Variants in NCS1 observed in about 807,000 individuals in gnomAD.
NCS1 encodes neuronal calcium sensor 1.
Under a neutral mutation model 28.4 loss-of-function variants are expected in NCS1, and 6 were observed. The ratio of observed to expected loss-of-function variants is 0.21; its 90% confidence interval spans 0.12 to 0.42. The LOEUF is 0.42. Among genes scored for constraint, NCS1 ranks in the 10% least tolerant of loss-of-function variants. The pLI, the probability that NCS1 is intolerant of heterozygous loss-of-function variation, is 1.00. For synonymous variants in NCS1, 86 were observed against 99.3 expected (o/e 0.87, Z 0.79); for missense variants, 131 against 241.4 (o/e 0.54, Z 3.03).
rs1173236020 is a variant in NCS1, at chr9:130,233,622, T to TA, written c.*651dup. 6.7e-6 allele frequency: 1 copy of TA among 149,112 alleles called. No individual in the cohort carries two copies. Among genetic ancestry groups the TA allele is most frequent in the African/African-American group, 2.5e-5 (1 of 40,668 alleles). 9.2% of individuals were successfully genotyped at this position (149,112 alleles called of 1,614,324 possible). ...TTGTGGGGAAAGTGAGGTTTTTTTT[T>TA]ATATACATATATAATTGATATCTTT... On this transcript the variant is annotated 3_prime_UTR_variant, in exon 8 of 8. Coordinates refer to ENST00000372398, the MANE Select transcript of NCS1 (RefSeq NM_014286.4). The surrounding 1 kb of genome is among the most constrained non-coding windows in gnomAD (Gnocchi z 4.8).
chr9:130,183,434 G>A (rs1166823964), intron 1 of NCS1, among the ~76,000 whole-genome samples: 4 of 152,216 alleles, frequency 2.6e-5, no homozygotes, highest in African/African-American at 9.7e-5. Flanking sequence ...TCCCTGGCAG[G>A]GGAGCAGGGG....
At position 130,172,551 on chromosome 9, in the gene NCS1, G is replaced by A. The variant is rs1214635271; in HGVS notation, c.-113G>A. On this transcript the variant is annotated 5_prime_UTR_variant, in exon 1 of 8. Transcript: ENST00000372398. ...GGCGCCGACAGCCGCGCAGCGCAGC[G>A]CGGGCGCCGCAGACAAAGGCGCGGC... is the stretch of plus-strand genomic sequence containing the variant. 1.9e-5 allele frequency: 7 copies of A among 375,108 alleles called. No homozygotes were observed. The highest frequency in any genetic ancestry group is 2.1e-4 in the South Asian group (2 of 9,724). The allele number at this position is 375,108 out of a possible 1,614,324, so 23.2% of individuals were successfully genotyped here. A position where few individuals can be genotyped will look rare whatever the true frequency, so the allele number is the denominator to read the frequency against.
At chr9:130,222,918 G>A (rs1435677997) in intron 5 of NCS1, among the ~76,000 whole-genome samples, 164 bp from the exon 6 acceptor site, 1 of 151,690 alleles carries the variant, frequency 6.6e-6, no homozygotes, top group Non-Finnish European at 1.5e-5. Context: ...AGATAGTGGG[G>A]CTGGGGTGTG....
intron 1 of NCS1, 119 bp from the exon 2 acceptor site, chr9:130,200,839 C>A: frequency 6.7e-7 from 1 of 1,490,896 alleles, no homozygotes; most frequent in Non-Finnish European, 9.4e-7. Flanking sequence ...CAGGCCGTTG[C>A]CCGGGGACAT....
chr9:130,222,687 C>T lies in NCS1; in HGVS notation c.345C>T (p.Tyr115=), dbSNP rs141503212. The change falls in exon 5 of 8, where the codon TAC becomes TAT. Residue 115 remains tyrosine (Y), a synonymous_variant. Transcript: ENST00000372398. ...FKLYDLDNDG[Y]ITRNEMLDIV... is the part of the protein sequence containing the mutation. ...TCTACGACTTGGACAATGATGGCTA[C>T]ATCACCAGGAATGAGATGCTGGACA... is the stretch of plus-strand genomic sequence containing the variant. The T allele has an allele frequency of 1.7e-4, 272 of 1,613,964 alleles. No individual in the cohort carries two copies. The highest frequency in any genetic ancestry group is 2.1e-4 in the Non-Finnish European group (253 of 1,180,012).
chr9:130,172,714 C>G lies in NCS1; in HGVS notation c.51C>G (p.Thr17=), dbSNP rs1832499440. The change falls in exon 1 of 8, where the codon ACC becomes ACG. Residue 17 remains threonine, a synonymous_variant. Transcript: ENST00000372398. ...KLKPEVVEEL[T]RKTYFTEKEV... ...AGCCCGAAGTTGTGGAGGAGCTGAC[C>G]AGGAAGACCTACTGTGAGTGCTCCC... 11 of 1,519,754 alleles carry G rather than the reference C, an allele frequency of 7.2e-6. No individual in the cohort carries two copies. Among genetic ancestry groups the G allele is most frequent in the Non-Finnish European group, 9.7e-6 (11 of 1,129,360 alleles). The allele number at this position is 1,519,754 out of a possible 1,614,324, so 94.1% of individuals were successfully genotyped here.
chr9:130,213,763 G>A (rs1399049721), intron 2 of NCS1, among the ~76,000 whole-genome samples: 1 of 151,830 alleles, frequency 6.6e-6, no homozygotes, highest in Non-Finnish European at 1.5e-5. Flanking sequence ...ATATATAGTA[G>A]AGACAGGGTT....
At position 130,226,720 on chromosome 9, in the gene NCS1, CT is replaced by C. The variant is rs1235275461; in HGVS notation, c.*17+217del. On this transcript the variant is annotated intron_variant, in intron 7 of 7. Transcript: ENST00000372398. This position sits in a 1 kb window ranked among gnomAD's most constrained non-coding sequence, Gnocchi z 4.8. The stretch of plus-strand genomic sequence containing the variant: ...ATCATTTTTATAGACCCAGATCAGC[CT>C]GCGAGTTTGCTTGAACAGAATTTTT... Among the ~76,000 whole-genome samples, 2 of 152,076 alleles carry C rather than the reference CT, an allele frequency of 1.3e-5. No individual in the cohort carries two copies. Among genetic ancestry groups the C allele is most frequent in the African/African-American group, 2.4e-5 (1 of 41,428 alleles).
intron 1 of NCS1, among the ~76,000 whole-genome samples, chr9:130,188,758 C>T (rs528937841): frequency 2.7e-4 from 40 of 150,892 alleles, no homozygotes; most frequent in African/African-American, 8.5e-4. Flanking sequence ...ACTTTGTTGC[C>T]CAGGCTGGAG....
chr9:130,229,377 C>T (rs546646961), intron 7 of NCS1, among the ~76,000 whole-genome samples: 1 of 152,020 alleles, frequency 6.6e-6, no homozygotes, highest in South Asian at 2.1e-4. Flanking sequence ...GCCTCAGCCT[C>T]CCAAGTAGCT....
chr9:130,213,479 C>T (rs1554909009), intron 2 of NCS1, among the ~76,000 whole-genome samples: 1 of 152,048 alleles, frequency 6.6e-6, no homozygotes, highest in Non-Finnish European at 1.5e-5. Flanking sequence ...CGGGGTTTCA[C>T]CGTGTCAGCC....
At chr9:130,225,711 G>T (rs934526612) in intron 6 of NCS1, among the ~76,000 whole-genome samples, 7 of 152,250 alleles carry the variant, frequency 4.6e-5, no homozygotes, top group African/African-American at 1.7e-4. Flanking sequence ...GGCATATGTC[G>T]TGTACGCAGC....
chr9:130,223,245 C>A, intron 6 of NCS1, 86 bp downstream of exon 6: 1 of 1,309,138 alleles, frequency 7.6e-7, no homozygotes, highest in South Asian at 1.3e-5. Flanking sequence ...CTGGGCCTGG[C>A]TTTGCTGCCA....
At chr9:130,217,763 C>CGATGTTGGTGGTGGGTGGGT in intron 2 of NCS1, 69 bp from the exon 3 acceptor site, 15 of 1,608,172 alleles carry the variant, frequency 9.3e-6, no homozygotes, top group Non-Finnish European at 1.1e-5. Context: ...CCCGGGCAGG[C>CGATGTTGGTGGTGGGTGGGT]GATGTTGGTG....
chr9:130,195,101 C>T (rs1832862068), intron 1 of NCS1, among the ~76,000 whole-genome samples: 2 of 152,200 alleles, frequency 1.3e-5, no homozygotes, highest in East Asian at 3.8e-4. Flanking sequence ...GGACACTGGG[C>T]CGAGCACCAG....
chr9:130,176,336 G>A lies in NCS1; in HGVS notation c.64+3609G>A, dbSNP rs376015063. ...GCCTCCCCAGTAGCTGGGACCATGGGTGTACAACACCACACCTGGCTAATT... is the reference window on the plus strand; with the variant it reads ...GCCTCCCCAGTAGCTGGGACCATGGATGTACAACACCACACCTGGCTAATT... On this transcript the variant is annotated intron_variant, in intron 1 of 7. Transcript: ENST00000372398. 2.0e-5 allele frequency among the ~76,000 whole-genome samples: 3 copies of A among 151,718 alleles called. No homozygotes were observed. The East Asian group carries it at 5.8e-4, about 29-fold the overall frequency.
chr9:130,236,124 A>G lies in NCS1; in HGVS notation c.*3152A>G, dbSNP rs927967517. ...AGTTTGACAGCCCGTTTCCTAGACA[A>G]GTGCACCTGGGGTTTCAGGAACTTT... On this transcript the variant is annotated 3_prime_UTR_variant, in exon 8 of 8. Coordinates refer to ENST00000372398, the MANE Select transcript of NCS1 (RefSeq NM_014286.4). 2.6e-5 allele frequency: 4 copies of G among 152,136 alleles called. No homozygotes were observed. The highest frequency in any genetic ancestry group is 5.9e-5 in the Non-Finnish European group (4 of 68,032). 9.4% of individuals were successfully genotyped at this position (152,136 alleles called of 1,614,324 possible).
chr9:130,176,825 G>A (rs990037040), intron 1 of NCS1, among the ~76,000 whole-genome samples: 6 of 152,378 alleles, frequency 3.9e-5, no homozygotes, highest in South Asian at 2.1e-4. Flanking sequence ...CGGGTTATCC[G>A]AAAACTCCAG....
rs1554905687 is a variant in NCS1, at chr9:130,186,923, G to C, written c.65-14035G>C. Among the ~76,000 whole-genome samples the C allele has an allele frequency of 6.6e-6, 1 of 152,244 alleles. No individual in the cohort carries two copies. ...CACTGACGAGCGATTGAGCAGCTCA[G>C]AGGTGAGCTTATGTGGCCAGAAGCA... On this transcript the variant is annotated intron_variant, in intron 1 of 7. Coordinates refer to ENST00000372398, the MANE Select transcript of NCS1 (RefSeq NM_014286.4). This position sits in a 1 kb window ranked among gnomAD's most constrained non-coding sequence, Gnocchi z 4.1.
Sources: allele counts gnomAD v4.1 joint callset (sites outside exome capture counted in the v4.1 genomes callset), GRCh38; gene constraint gnomAD v4.1.1; non-coding constraint Gnocchi (gnomAD v3.1); transcripts MANE v1.5; gene names NCBI Gene and HGNC (gene_info 2026-07-23, HGNC 2026-07-21).